DPYD: variants seen among roughly 807,000 people sequenced by gnomAD.
DPYD encodes the protein dihydropyrimidine dehydrogenase [NADP(+)].
A neutral mutation model predicts 116.2 loss-of-function variants in DPYD; 109 were observed. The observed-to-expected ratio is 0.94, with a 90% CI of 0.80 to 1.10. The LOEUF (loss-of-function observed/expected upper bound fraction) is 1.10, where lower values mean the gene tolerates loss of function less well. DPYD is among the 50% of genes least tolerant of loss of function. The pLI is 0.00. For missense variants in DPYD, 1,302 were observed against 1,254.5 expected (o/e 1.04, Z -0.57); for synonymous variants, 440 against 432.0 (o/e 1.02, Z -0.23).
intron 7 of DPYD, among the ~76,000 whole-genome samples, chr1:97,682,294 T>C (rs1339846339): frequency 6.6e-6 from 1 of 151,842 alleles, no homozygotes; most frequent in Admixed American, 6.6e-5. Context: ...AGACTTGACT[T>C]TACCATGAAC....
intron 3 of DPYD, among the ~76,000 whole-genome samples, chr1:97,759,096 A>C (rs1665428515): frequency 6.6e-6 from 1 of 152,080 alleles, no homozygotes; most frequent in African/African-American, 2.4e-5. Flanking sequence ...TCCACCAACA[A>C]CTTACCTGCA....
At chr1:97,695,571 C>T (rs532091828) in intron 6 of DPYD, among the ~76,000 whole-genome samples, 1 of 150,074 alleles carries the variant, frequency 6.7e-6, no homozygotes, top group Non-Finnish European at 1.5e-5. Flanking sequence ...GAAATAATGA[C>T]CAGCACATAG....
chr1:97,378,242 T>A (rs936038453), intron 15 of DPYD, among the ~76,000 whole-genome samples: 1 of 152,214 alleles, frequency 6.6e-6, no homozygotes, highest in Non-Finnish European at 1.5e-5. Context: ...GATTCCATTC[T>A]GTCCTGTTAC....
chr1:97,678,042 C>T (rs891895761), intron 8 of DPYD, among the ~76,000 whole-genome samples: 3 of 152,078 alleles, frequency 2.0e-5, no homozygotes, highest in Non-Finnish European at 4.4e-5. Context: ...GGTCCCCAAC[C>T]TTTTTGGCAC....
At chr1:97,571,180 T>C (rs1351972487) in intron 11 of DPYD, among the ~76,000 whole-genome samples, 3 of 151,896 alleles carry the variant, frequency 2.0e-5, no homozygotes, top group Non-Finnish European at 4.4e-5. Flanking sequence ...CTTTGGAAAG[T>C]AAAAAGCTAG....
chr1:97,395,990 A>G (rs567137049), intron 14 of DPYD, among the ~76,000 whole-genome samples: 8 of 152,198 alleles, frequency 5.3e-5, no homozygotes, highest in Non-Finnish European at 1.2e-4. Flanking sequence ...AGCATAGCCC[A>G]GTTAAGCAAA....
chr1:97,107,512 G>C (rs1482945409), intron 20 of DPYD, among the ~76,000 whole-genome samples: 1 of 151,966 alleles, frequency 6.6e-6, no homozygotes, highest in Non-Finnish European at 1.5e-5. Context: ...ATTTAACAAG[G>C]GAGAGGGAAG....
intron 19 of DPYD, among the ~76,000 whole-genome samples, chr1:97,213,188 G>T (rs984471829): frequency 1.3e-5 from 2 of 152,092 alleles, no homozygotes; most frequent in Non-Finnish European, 2.9e-5. Context: ...AATACTACCA[G>T]ATTGGGGTTA....
intron 18 of DPYD, among the ~76,000 whole-genome samples, chr1:97,275,743 T>C (rs1233907256): frequency 6.6e-6 from 1 of 152,176 alleles, no homozygotes; most frequent in Admixed American, 6.5e-5. Context: ...TGAAGATTAA[T>C]TTATCTCAAT....
intron 3 of DPYD, among the ~76,000 whole-genome samples, chr1:97,750,356 A>G (rs1475514965): frequency 2.0e-5 from 3 of 152,148 alleles, no homozygotes; most frequent in Non-Finnish European, 4.4e-5. Context: ...ATTTGTTCCT[A>G]TACAATTCCT....
intron 16 of DPYD, among the ~76,000 whole-genome samples, chr1:97,337,724 G>A (rs1669375583): frequency 6.6e-6 from 1 of 151,468 alleles, no homozygotes; most frequent in Non-Finnish European, 1.5e-5. Flanking sequence ...ACAGATCTGA[G>A]TGGAATTTTT....
intron 7 of DPYD, 22 bp downstream of exon 7, chr1:97,691,695 G>A (rs776565844): frequency 6.3e-7 from 1 of 1,595,156 alleles, no homozygotes; most frequent in East Asian, 2.2e-5. Flanking sequence ...GCAGTACACA[G>A]ATAGGTGTTT....
chr1:97,710,741 A>C (rs1464389013), intron 5 of DPYD, among the ~76,000 whole-genome samples: 7 of 151,758 alleles, frequency 4.6e-5, no homozygotes, highest in Non-Finnish European at 1.0e-4. Context: ...TAGACTCTCC[A>C]GTAACTAGCT....
chr1:97,334,011 T>C (rs1358689016), intron 16 of DPYD, among the ~76,000 whole-genome samples: 1 of 152,216 alleles, frequency 6.6e-6, no homozygotes, highest in Non-Finnish European at 1.5e-5. Context: ...TATAAACGAC[T>C]TTAGTTCTGT....
intron 16 of DPYD, among the ~76,000 whole-genome samples, chr1:97,349,568 T>C (rs997475608): frequency 1.3e-5 from 2 of 152,086 alleles, no homozygotes; most frequent in South Asian, 4.1e-4. Flanking sequence ...CATTGTTCAA[T>C]TCCCACCTAT....
At chr1:97,872,730 C>T (rs559794158) in intron 2 of DPYD, among the ~76,000 whole-genome samples, 7 of 152,006 alleles carry the variant, frequency 4.6e-5, no homozygotes, top group African/African-American at 1.7e-4. Context: ...ATGCACTTCT[C>T]AATGAAATAA....
At chr1:97,362,260 TC>T (rs1385910181) in intron 16 of DPYD, among the ~76,000 whole-genome samples, 6 of 152,124 alleles carry the variant, frequency 3.9e-5, no homozygotes, top group Admixed American at 3.9e-4. Context: ...GTGAAGGACC[TC>T]TTCAAGGAGA....
intron 12 of DPYD, among the ~76,000 whole-genome samples, chr1:97,538,067 C>CAAAA (rs67281977): frequency 8.0e-6 from 1 of 124,548 alleles, no homozygotes; most frequent in Non-Finnish European, 1.7e-5. Context: ...AACTCTGTCT[C>CAAAA]AAAAAAAAAA....
At chr1:97,226,131 CA>C (rs1661138180) in intron 19 of DPYD, among the ~76,000 whole-genome samples, 1 of 152,018 alleles carries the variant, frequency 6.6e-6, no homozygotes. Flanking sequence ...GAATGAATCA[CA>C]AAAACCATAC....
Sources: gnomAD v4.1 joint callset for allele counts (sites outside exome capture counted in the v4.1 genomes callset) on GRCh38, gnomAD v4.1.1 for gene constraint, MANE v1.5 for transcripts, NCBI Gene and HGNC (gene_info 2026-07-23, HGNC 2026-07-21) for gene names.